COLEC10: variants seen among roughly 807,000 people sequenced by gnomAD.
COLEC10 encodes collectin-10.
In COLEC10, 22 loss-of-function variants were observed where a neutral mutation model predicts 28.4. The observed-to-expected ratio is 0.78, with a 90% CI of 0.55 to 1.11. COLEC10 has a LOEUF of 1.11. COLEC10 is among the 50% of genes least tolerant of loss of function. The pLI is 0.00. For synonymous variants in COLEC10, 125 were observed against 116.1 expected (o/e 1.08, Z -0.49); for missense variants, 361 against 344.1 (o/e 1.05, Z -0.39).
chr8:118,977,458 G>T, the COLEC10 span, among the ~76,000 whole-genome samples: 1 of 146,488 alleles, frequency 6.8e-6, no homozygotes, highest in South Asian at 2.2e-4. Flanking sequence ...TAGGGACATG[G>T]ATGAAATTGG....
At chr8:119,032,048 GA>G (rs1316040349) in intron 2 of COLEC10, among the ~76,000 whole-genome samples, 1 of 152,172 alleles carries the variant, frequency 6.6e-6, no homozygotes, top group African/African-American at 2.4e-5. Context: ...CGGGAAAATT[GA>G]GGCTTTCAGA....
intron 2 of COLEC10, among the ~76,000 whole-genome samples, chr8:119,044,381 A>G (rs750699325): frequency 2.6e-5 from 4 of 152,214 alleles, no homozygotes; most frequent in Non-Finnish European, 4.4e-5. Context: ...GAGTAAGACC[A>G]TGTGGAATGG....
chr8:119,032,604 A>G (rs1814309361), intron 2 of COLEC10, among the ~76,000 whole-genome samples: 1 of 152,184 alleles, frequency 6.6e-6, no homozygotes, highest in Non-Finnish European at 1.5e-5. Flanking sequence ...TTGTTCTCTC[A>G]TAAACAAAGG....
chr8:119,106,248 A>AAT lies in COLEC10; in HGVS notation c.*57_*58insAT. 6.6e-7 allele frequency: 1 copy of AAT among 1,518,432 alleles called. No homozygotes were observed. Among genetic ancestry groups the AAT allele is most frequent in the Middle Eastern group, 1.8e-4 (1 of 5,626 alleles). The allele number at this position is 1,518,432 out of a possible 1,614,324, so 94.1% of individuals were successfully genotyped here. Reference sequence around the variant, plus strand: ...TGTGACCGTCATTACAGTTATTGTTATCCATCCTTTTTTTCCTGATTGTAC... The same window carrying AAT: ...TGTGACCGTCATTACAGTTATTGTTAATTCCATCCTTTTTTTCCTGATTGTAC... On this transcript the variant is annotated 3_prime_UTR_variant, in exon 6 of 6. Transcript: ENST00000332843.
chr8:119,043,161 A>T (rs568795131), intron 2 of COLEC10, among the ~76,000 whole-genome samples: 104 of 152,276 alleles, frequency 6.8e-4, no homozygotes, highest in African/African-American at 2.5e-3. Context: ...ATTAAACTAG[A>T]TAAGGATCTA....
chr8:119,044,346 C>T (rs1232628735), intron 2 of COLEC10, among the ~76,000 whole-genome samples: 6 of 152,070 alleles, frequency 3.9e-5, no homozygotes, highest in African/African-American at 9.7e-5. Flanking sequence ...GAAAAGTGGG[C>T]GGGTAACACT....
chr8:118,960,710 G>A, the COLEC10 span, among the ~76,000 whole-genome samples: 1 of 150,964 alleles, frequency 6.6e-6, no homozygotes, highest in Non-Finnish European at 1.5e-5. Flanking sequence ...GCTTGAACCG[G>A]TGGGGGGTGG....
At chr8:119,025,279 T>A (rs1482824422) in intron 2 of COLEC10, among the ~76,000 whole-genome samples, 4 of 152,216 alleles carry the variant, frequency 2.6e-5, no homozygotes, top group African/African-American at 9.6e-5. Flanking sequence ...CATTTGCTTT[T>A]AGACTTACCG....
intron 2 of COLEC10, among the ~76,000 whole-genome samples, chr8:119,032,395 C>G (rs1814304473): frequency 1.3e-5 from 2 of 152,116 alleles, no homozygotes; most frequent in Admixed American, 1.3e-4. Flanking sequence ...ACACAGTGTA[C>G]TGAGAGGACA....
At chr8:119,091,837 G>C (rs1815609733) in intron 3 of COLEC10, among the ~76,000 whole-genome samples, 1 of 152,126 alleles carries the variant, frequency 6.6e-6, no homozygotes, top group Non-Finnish European at 1.5e-5. Flanking sequence ...ATCAAGGTCT[G>C]ATAGTCTTTA....
chr8:119,073,445 C>G (rs1815163952), intron 1 of COLEC10, among the ~76,000 whole-genome samples: 1 of 152,138 alleles, frequency 6.6e-6, no homozygotes, highest in Non-Finnish European at 1.5e-5. Context: ...AAAGGGTAAA[C>G]AACTAGGTGT....
intron 3 of COLEC10, 21 bp downstream of exon 3, chr8:119,091,241 C>A: frequency 6.9e-6 from 11 of 1,591,512 alleles, no homozygotes; most frequent in Non-Finnish European, 9.5e-6. Flanking sequence ...TCTTACTATT[C>A]TCCAGTAGCA....
the COLEC10 span, among the ~76,000 whole-genome samples, chr8:118,974,885 T>C: frequency 6.6e-6 from 1 of 151,986 alleles, no homozygotes; most frequent in East Asian, 1.9e-4. Flanking sequence ...CAAAATAAAC[T>C]TAAAGTTTAT....
chr8:119,105,431 G>T (rs56090318), intron 5 of COLEC10, among the ~76,000 whole-genome samples: 70 of 152,222 alleles, frequency 4.6e-4, no homozygotes, highest in Non-Finnish European at 7.8e-4. Flanking sequence ...GGCATAAAAG[G>T]CTTGGAAGTA....
chr8:119,049,706 G>A (rs548236970), intron 2 of COLEC10, among the ~76,000 whole-genome samples: 3 of 152,114 alleles, frequency 2.0e-5, no homozygotes, highest in Non-Finnish European at 2.9e-5. Flanking sequence ...GAGCCACCTC[G>A]CCTGGCTGGT....
intron 2 of COLEC10, among the ~76,000 whole-genome samples, chr8:119,050,249 A>G (rs1587020340): frequency 6.6e-6 from 1 of 152,350 alleles, no homozygotes. Context: ...AAGAATATCC[A>G]TAGTAACCAA....
chr8:119,063,056 T>G (rs1219089066), upstream of COLEC10: 1 of 152,222 alleles, frequency 6.6e-6, no homozygotes, highest in African/African-American at 2.4e-5. Context: ...TGTACTGTTA[T>G]GCTGTTTTAA....
At chr8:119,073,545 T>C (rs1815165420) in intron 1 of COLEC10, among the ~76,000 whole-genome samples, 1 of 152,156 alleles carries the variant, frequency 6.6e-6, no homozygotes. Context: ...GACAGACCAA[T>C]ATTTTCAGTG....
chr8:119,003,516 G>T (rs1248758554), intron 1 of COLEC10, among the ~76,000 whole-genome samples: 1 of 152,088 alleles, frequency 6.6e-6, no homozygotes, highest in Non-Finnish European at 1.5e-5. Flanking sequence ...GGCTGTGGTA[G>T]ACATCACTAA....
Sources: allele counts gnomAD v4.1 joint callset (sites outside exome capture counted in the v4.1 genomes callset), GRCh38; gene constraint gnomAD v4.1.1; transcripts MANE v1.5; gene names NCBI Gene and HGNC (gene_info 2026-07-23, HGNC 2026-07-21).